Variants in EFCAB6 observed in about 807,000 individuals in gnomAD.
EFCAB6 encodes EF-hand calcium-binding domain-containing protein 6.
Under a neutral mutation model 169.8 loss-of-function variants are expected in EFCAB6, and 156 were observed. The ratio of observed to expected loss-of-function variants is 0.92; its 90% confidence interval spans 0.81 to 1.05. The LOEUF (loss-of-function observed/expected upper bound fraction) is 1.05, where lower values mean the gene tolerates loss of function less well. Among genes scored for constraint, EFCAB6 ranks in the 50% least tolerant of loss-of-function variants. The pLI, the probability that EFCAB6 is intolerant of heterozygous loss-of-function variation, is 0.00. For missense variants in EFCAB6, 1,800 were observed against 1,829.1 expected (o/e 0.98, Z 0.29); for synonymous variants, 698 against 676.4 (o/e 1.03, Z -0.50).
chr22:43,728,240 A>T (rs1352910712), intron 8 of EFCAB6, among the ~76,000 whole-genome samples: 1 of 152,070 alleles, frequency 6.6e-6, no homozygotes, highest in Non-Finnish European at 1.5e-5. Context: ...AATGACATGA[A>T]TTCATTCTTT....
chr22:43,784,521 G>A (rs2061948766), intron 2 of EFCAB6, among the ~76,000 whole-genome samples: 8 of 122,560 alleles, frequency 6.5e-5, no homozygotes, highest in African/African-American at 1.8e-4. Context: ...ATGTGTGTGT[G>A]TGTGTGTGTG....
Position 43,579,159 on chromosome 22 carries a change from C to T in EFCAB6, c.3228+1305G>A, listed in dbSNP as rs184889115. Among the ~76,000 whole-genome samples, 279 of 150,294 alleles carry T rather than the reference C, an allele frequency of 1.9e-3. 3 individuals carry two copies. In the Middle Eastern group the frequency reaches 0.021, roughly 11 times the overall value. On this transcript the variant is annotated intron_variant, in intron 25 of 31. Transcript: ENST00000262726. ...CATTCTGTACACGTAGGCATCATTG[C>T]TTACATGCAAGCATCATTCCATACA...
At chr22:43,630,475 G>C (rs187421791) in intron 19 of EFCAB6, among the ~76,000 whole-genome samples, 1 of 152,230 alleles carries the variant, frequency 6.6e-6, no homozygotes, top group Non-Finnish European at 1.5e-5. Context: ...ACGATGTAGC[G>C]TGGAGCTGGG....
chr22:43,528,856 C>T lies in EFCAB6; in HGVS notation c.4503G>A (p.Gln1501=), dbSNP rs112110223. The change falls in exon 32 of 32, where the codon CAG becomes CAA. Residue 1501 remains glutamine, a synonymous_variant. Coordinates refer to ENST00000262726, the MANE Select transcript of EFCAB6 (RefSeq NM_022785.4). ...GCTGGGCACACAGCAGGGGTGTCTACTGGAGGAATGCCCGGAGGAAGTCGT... is the reference window on the plus strand; with the variant it reads ...GCTGGGCACACAGCAGGGGTGTCTATTGGAGGAATGCCCGGAGGAAGTCGT... The part of the protein sequence containing the change: ...SYNDFLRAFL[Q] The T allele has an allele frequency of 1.1e-5, 18 of 1,607,064 alleles. No individual in the cohort carries two copies. Among genetic ancestry groups the T allele is most frequent in the African/African-American group, 6.7e-5 (5 of 74,972 alleles).
chr22:43,543,931 T>G (rs2047893961), intron 27 of EFCAB6, among the ~76,000 whole-genome samples: 1 of 152,066 alleles, frequency 6.6e-6, no homozygotes, highest in Non-Finnish European at 1.5e-5. Context: ...CTCTCCAACC[T>G]TCACCTCTGT....
intron 22 of EFCAB6, among the ~76,000 whole-genome samples, chr22:43,604,060 CT>C (rs199885194): frequency 3.2e-4 from 48 of 151,408 alleles, no homozygotes; most frequent in African/African-American, 1.1e-3. Context: ...CGCTGGCTCC[CT>C]TTTTTTTTCC....
chr22:43,637,044 C>G (rs551567374), intron 17 of EFCAB6, among the ~76,000 whole-genome samples: 61 of 152,136 alleles, frequency 4.0e-4, no homozygotes, highest in Non-Finnish European at 7.4e-4. Flanking sequence ...GCCATGGAGC[C>G]CTGGTGTCTT....
intron 26 of EFCAB6, among the ~76,000 whole-genome samples, chr22:43,560,889 G>C (rs559616501): frequency 1.4e-3 from 212 of 152,304 alleles, no homozygotes; most frequent in Non-Finnish European, 2.6e-3. Flanking sequence ...CACTTGGGGA[G>C]GCAGGGGACG....
chr22:43,678,329 CTGTG>C (rs137787), intron 12 of EFCAB6, among the ~76,000 whole-genome samples, 166 bp from the exon 13 acceptor site: 9,634 of 144,258 alleles, frequency 0.067, 393 homozygotes, highest in South Asian at 0.14. Flanking sequence ...AACATGAGCA[CTGTG>C]TGTGTGTGTG....
intron 13 of EFCAB6, among the ~76,000 whole-genome samples, chr22:43,674,734 A>G (rs1391567742): frequency 1.3e-5 from 2 of 152,222 alleles, no homozygotes; most frequent in Non-Finnish European, 2.9e-5. Context: ...ATCCTGTTAA[A>G]TTCCCTTAAC....
chr22:43,550,532 C>T (rs920699080), intron 27 of EFCAB6, among the ~76,000 whole-genome samples: 14 of 151,860 alleles, frequency 9.2e-5, no homozygotes, highest in Non-Finnish European at 1.5e-5. Context: ...ATTAGTTGGG[C>T]GTGGTAGCGG....
intron 6 of EFCAB6, among the ~76,000 whole-genome samples, chr22:43,738,557 A>T (rs1468792870): frequency 6.6e-6 from 1 of 151,822 alleles, no homozygotes; most frequent in Non-Finnish European, 1.5e-5. Flanking sequence ...ATATACTCAC[A>T]TGCACACACA....
intron 17 of EFCAB6, among the ~76,000 whole-genome samples, chr22:43,653,837 A>T (rs1019771912): frequency 2.6e-5 from 4 of 152,174 alleles, no homozygotes; most frequent in African/African-American, 9.7e-5. Flanking sequence ...AAGTCCCATC[A>T]GGTTCTCAAG....
chr22:43,625,093 T>A (rs1417297896), intron 20 of EFCAB6, among the ~76,000 whole-genome samples: 1 of 144,128 alleles, frequency 6.9e-6, no homozygotes, highest in Non-Finnish European at 1.5e-5. Flanking sequence ...GCTTTTTTAT[T>A]TTTTTAATAT....
intron 5 of EFCAB6, among the ~76,000 whole-genome samples, chr22:43,756,454 G>C (rs1206239015): frequency 1.3e-5 from 2 of 152,118 alleles, no homozygotes; most frequent in East Asian, 3.9e-4. Context: ...CTATTCACTG[G>C]TTTTTATTTT....
chr22:43,680,557 C>T (rs1200146932), intron 12 of EFCAB6, among the ~76,000 whole-genome samples: 1 of 151,442 alleles, frequency 6.6e-6, no homozygotes, highest in Non-Finnish European at 1.5e-5. Flanking sequence ...GAACTGTCAT[C>T]TTAATAATAT....
chr22:43,638,930 C>T (rs1278364757), intron 17 of EFCAB6, among the ~76,000 whole-genome samples: 1 of 151,970 alleles, frequency 6.6e-6, no homozygotes, highest in African/African-American at 2.4e-5. Flanking sequence ...GGATTACAGA[C>T]ATGTGCCACC....
At chr22:43,600,415 C>G (rs2052415687) in intron 22 of EFCAB6, 152 bp from the exon 23 acceptor site, 2 of 751,194 alleles carry the variant, frequency 2.7e-6, no homozygotes, top group African/African-American at 3.5e-5. Flanking sequence ...CGGAATCAGC[C>G]CCGCCTGGCA....
intron 6 of EFCAB6, among the ~76,000 whole-genome samples, chr22:43,752,665 G>C (rs1039161625): frequency 2.0e-5 from 3 of 152,148 alleles, no homozygotes; most frequent in Admixed American, 1.3e-4. Flanking sequence ...TGGGAAAAAA[G>C]GGCCCACTGA....
Sources: allele counts gnomAD v4.1 joint callset (sites outside exome capture counted in the v4.1 genomes callset), GRCh38; gene constraint gnomAD v4.1.1; transcripts MANE v1.5; gene names NCBI Gene and HGNC (gene_info 2026-07-23, HGNC 2026-07-21).